Variants in VPS13B observed in about 807,000 individuals in gnomAD.
The protein encoded by VPS13B is vacuolar protein sorting 13 homolog B.
A neutral mutation model predicts 426.4 loss-of-function variants in VPS13B; 285 were observed. The ratio of observed to expected loss-of-function variants is 0.67; its 90% CI spans 0.61 to 0.74. VPS13B has a LOEUF of 0.74. VPS13B is among the 30% of genes least tolerant of loss of function. The pLI is 0.00. For synonymous variants in VPS13B, 1,676 were observed against 1,676.4 expected (o/e 1.00, Z 0.01); for missense variants, 4,537 against 4,782.6 (o/e 0.95, Z 1.51).
At position 99,853,920 on chromosome 8, in the gene VPS13B, A is replaced by G; in HGVS notation, c.10531A>G (p.Thr3511Ala). The change falls in exon 56 of 62, where the codon ACA becomes GCA. Residue 3511 changes from threonine (T) to alanine (A), a missense_variant. Transcript: ENST00000357162. ...LKPARLYVEDTFVYYIKTLFD... is the reference protein window; with the variant it reads ...LKPARLYVEDAFVYYIKTLFD... ...ACCTGCTCGGTTATACGTGGAAGAC[A>G]CATTTGTATACTACATCAAGACTTT... The G allele has an allele frequency of 1.2e-6, 2 of 1,614,260 alleles. No individual in the cohort carries two copies. Among genetic ancestry groups the G allele is most frequent in the Non-Finnish European group, 1.7e-6 (2 of 1,180,048 alleles).
At chr8:99,593,063 G>A (rs1167999301) in intron 33 of VPS13B, among the ~76,000 whole-genome samples, 1 of 152,064 alleles carries the variant, frequency 6.6e-6, no homozygotes, top group Non-Finnish European at 1.5e-5. Context: ...ATTGACAAAT[G>A]GGATCTAATT....
chr8:99,266,899 G>A (rs550104081), intron 17 of VPS13B, among the ~76,000 whole-genome samples: 64 of 152,256 alleles, frequency 4.2e-4, no homozygotes, highest in African/African-American at 1.4e-3. Flanking sequence ...CCAGTCTTGG[G>A]TATTTCTTCA....
intron 21 of VPS13B, among the ~76,000 whole-genome samples, chr8:99,395,006 T>C (rs146922829): frequency 6.6e-6 from 1 of 152,298 alleles, no homozygotes; most frequent in African/African-American, 2.4e-5. Flanking sequence ...ATAAAATATA[T>C]GGGGAAAATT....
At chr8:99,370,773 C>G (rs1383185946) in intron 19 of VPS13B, among the ~76,000 whole-genome samples, 1 of 151,942 alleles carries the variant, frequency 6.6e-6, no homozygotes, top group African/African-American at 2.4e-5. Flanking sequence ...CCATGCCCGA[C>G]TAATTTTTGT....
intron 6 of VPS13B, among the ~76,000 whole-genome samples, chr8:99,113,044 C>T (rs150009726): frequency 6.6e-6 from 1 of 150,494 alleles, no homozygotes; most frequent in African/African-American, 2.4e-5. Flanking sequence ...CTCCCTCTCC[C>T]CACCCTTCCC....
At chr8:99,117,043 A>C (rs1215987192) in intron 7 of VPS13B, among the ~76,000 whole-genome samples, 1 of 47,258 alleles carries the variant, frequency 2.1e-5, no homozygotes, top group Non-Finnish European at 5.0e-5. Context: ...CTGATGTAGA[A>C]AGATGAAAGG....
chr8:99,560,765 T>C (rs1824871242), intron 31 of VPS13B, among the ~76,000 whole-genome samples: 1 of 152,196 alleles, frequency 6.6e-6, no homozygotes. Flanking sequence ...AATCATAACC[T>C]CTAAATATCA....
At chr8:99,679,681 A>C (rs1831078911) in intron 35 of VPS13B, among the ~76,000 whole-genome samples, 2 of 152,128 alleles carry the variant, frequency 1.3e-5, no homozygotes, top group African/African-American at 4.8e-5. Flanking sequence ...TAATTAAAGC[A>C]CACGTCTGCC....
At chr8:99,703,446 G>A (rs1013598790) in intron 36 of VPS13B, among the ~76,000 whole-genome samples, 1 of 152,074 alleles carries the variant, frequency 6.6e-6, no homozygotes, top group African/African-American at 2.4e-5. Context: ...TCTGATTTCA[G>A]TAGAGGTAAT....
intron 22 of VPS13B, 65 bp from the exon 23 acceptor site, chr8:99,442,336 A>T (rs1817716186): frequency 6.6e-6 from 9 of 1,368,920 alleles, no homozygotes; most frequent in Non-Finnish European, 8.3e-6. Context: ...TCTGGCGAAG[A>T]TGTTAGGTGT....
At chr8:99,353,467 G>T (rs1181283749) in intron 19 of VPS13B, among the ~76,000 whole-genome samples, 1 of 152,126 alleles carries the variant, frequency 6.6e-6, no homozygotes, top group Non-Finnish European at 1.5e-5. Context: ...GGAGCAGTGT[G>T]TTGTAAAGGA....
intron 54 of VPS13B, among the ~76,000 whole-genome samples, chr8:99,842,043 C>T (rs977787739): frequency 1.3e-5 from 2 of 152,174 alleles, no homozygotes; most frequent in African/African-American, 2.4e-5. Flanking sequence ...ATCACCTCTT[C>T]CCGCCTTTCA....
At position 99,832,536 on chromosome 8, in the gene VPS13B, C is replaced by G. The variant is rs779729182; in HGVS notation, c.9498C>G (p.Ala3166=). Residue 3166 remains alanine (A), a synonymous_variant, in exon 52 of 62, where the codon GCC becomes GCG. Transcript: ENST00000357162. The part of the protein sequence containing the change: ...QKQIMLGFSP[A]PGADSSQCWS... The stretch of plus-strand genomic sequence containing the variant: ...AGATCATGCTGGGCTTTTCTCCTGC[C>G]CCAGGTGCTGACAGCTCACAGTGCT... 2 of 1,613,540 alleles carry G rather than the reference C, an allele frequency of 1.2e-6. No individual in the cohort carries two copies. Among genetic ancestry groups the G allele is most frequent in the African/African-American group, 1.3e-5 (1 of 74,792 alleles).
chr8:99,349,250 G>A (rs543417269), intron 19 of VPS13B, among the ~76,000 whole-genome samples: 113 of 129,310 alleles, frequency 8.7e-4, no homozygotes, highest in African/African-American at 3.1e-3. Context: ...GGAGAATGGC[G>A]TGTACCCGGG....
intron 3 of VPS13B, among the ~76,000 whole-genome samples, chr8:99,051,720 T>C (rs895450644): frequency 7.9e-5 from 12 of 152,348 alleles, no homozygotes. Flanking sequence ...CAGTGGTTTA[T>C]AGTTCTCCTT....
At chr8:99,284,799 G>C (rs965510946) in intron 19 of VPS13B, among the ~76,000 whole-genome samples, 2 of 152,002 alleles carry the variant, frequency 1.3e-5, no homozygotes, top group African/African-American at 4.8e-5. Flanking sequence ...ACGTTCAAGC[G>C]ATCTTTCCAC....
intron 40 of VPS13B, among the ~76,000 whole-genome samples, chr8:99,768,145 A>G (rs535776462): frequency 2.6e-5 from 4 of 152,324 alleles, no homozygotes; most frequent in Non-Finnish European, 5.9e-5. Flanking sequence ...TGGGTCATAT[A>G]CTATCATGTG....
chr8:99,467,732 C>G lies in VPS13B; in HGVS notation c.3666+98C>G, dbSNP rs896360619. ...AAGGGTTTCTCTTCTCTTGAGTATC[C>G]TAAATTATTTTTAACTTGGCCATCA... On this transcript the variant is annotated intron_variant, in intron 24 of 61. Coordinates refer to ENST00000357162, the MANE Select transcript of VPS13B (RefSeq NM_152564.5). 1.1e-5 allele frequency: 14 copies of G among 1,292,714 alleles called. No individual in the cohort carries two copies. In the African/African-American group the frequency reaches 1.5e-4, roughly 13 times the overall value. The allele number at this position is 1,292,714 out of a possible 1,614,324, so 80.1% of individuals were successfully genotyped here. A position where few individuals can be genotyped will look rare whatever the true frequency, so the allele number is the denominator to read the frequency against.
intron 12 of VPS13B, among the ~76,000 whole-genome samples, chr8:99,139,632 T>G (rs550690845): frequency 4.9e-4 from 75 of 151,980 alleles, no homozygotes; most frequent in African/African-American, 1.7e-3. Context: ...AGAGACAGGG[T>G]TTCACCATGT....
Sources: allele counts gnomAD v4.1 joint callset (sites outside exome capture counted in the v4.1 genomes callset), GRCh38; gene constraint gnomAD v4.1.1; transcripts MANE v1.5; gene names NCBI Gene and HGNC (gene_info 2026-07-23, HGNC 2026-07-21).